The following CYP1B1 variants were observed in gnomAD, a reference collection of about 807,000 sequenced individuals.
CYP1B1 encodes the protein cytochrome P450 family 1 subfamily B member 1, also known as cytochrome P450 1B1.
CYP1B1 carries 22 observed loss-of-function variants against 29.9 expected under a neutral mutation model. That is an observed-to-expected ratio of 0.74 (90% CI 0.53 to 1.05). CYP1B1 has a LOEUF of 1.05. Among genes scored for constraint, CYP1B1 ranks in the 50% least tolerant of loss-of-function variants. CYP1B1 has a pLI of 0.00. For missense variants in CYP1B1, 883 were observed against 746.9 expected (o/e 1.18, Z -2.12); for synonymous variants, 375 against 320.0 (o/e 1.17, Z -1.83).
intron 2 of CYP1B1, chr2:38,074,046 T>C (rs1682478373): frequency 3.8e-6 from 2 of 521,252 alleles, no homozygotes; most frequent in Admixed American, 3.3e-5. Context: ...ATTTAAAAAC[T>C]CTTGTTTTTC....
intron 2 of CYP1B1, 68 bp from the exon 3 acceptor site, chr2:38,071,378 A>G (rs994749853): frequency 7.3e-7 from 1 of 1,375,332 alleles, no homozygotes; most frequent in East Asian, 2.5e-5. Flanking sequence ...TAGAAAGCAC[A>G]TTATAATTTA....
intron 2 of CYP1B1, among the ~76,000 whole-genome samples, 186 bp from the exon 3 acceptor site, chr2:38,071,496 T>C (rs1031340060): frequency 1.2e-4 from 18 of 152,248 alleles, no homozygotes; most frequent in Admixed American, 1.2e-3. Flanking sequence ...AATTACAAGA[T>C]GGACTTTAAG....
chr2:38,071,290 C>CTCCAATT lies in CYP1B1; in HGVS notation c.1063_1064insAATTGGA (p.Arg355GlnfsTer22). ...GACCTGATCCAATTCTGCCTGCACTCGAGTCTGCACATCAGGATACCTGTT... is the reference window on the plus strand; with the variant it reads ...GACCTGATCCAATTCTGCCTGCACTCTCCAATTGAGTCTGCACATCAGGATACCTGTT... On this transcript the variant is annotated frameshift_variant, in exon 3 of 3. Transcript: ENST00000610745. LOFTEE classifies it high-confidence loss of function. 1 of 1,612,310 alleles carries CTCCAATT rather than the reference C, an allele frequency of 6.2e-7. No individual in the cohort carries two copies. The highest frequency in any genetic ancestry group is 8.5e-7 in the Non-Finnish European group (1 of 1,179,452).
intron 2 of CYP1B1, among the ~76,000 whole-genome samples, chr2:38,074,090 C>A (rs954641559): frequency 6.6e-6 from 1 of 151,922 alleles, no homozygotes; most frequent in African/African-American, 2.4e-5. Context: ...AATGTGTTCT[C>A]ACTCGCAAGC....
At position 38,074,427 on chromosome 2, in the gene CYP1B1, G is replaced by T. The variant is rs778299704; in HGVS notation, c.962C>A (p.Pro321Gln). The T allele has an allele frequency of 1.3e-5, 21 of 1,613,232 alleles. No homozygotes were observed. Among genetic ancestry groups the T allele is most frequent in the Non-Finnish European group, 1.4e-5 (17 of 1,179,966 alleles). The change falls in exon 2 of 3, where the codon CCG becomes CAG. Residue 321 changes from proline (P) to glutamine (Q), a missense_variant. Pro to Gln is a moderately conservative substitution (Grantham distance 76, BLOSUM62 -1). Transcript: ENST00000610745. ...GGARLDLENV[P>Q]ATITDIFGAS... The stretch of plus-strand genomic sequence containing the variant: ...GCCGAAGATGTCAGTGATAGTGGCC[G>T]GTACGTTCTCCAAATCCAGCCGCGC...
rs1682387151 is a variant in CYP1B1, at chr2:38,069,668, A to G, written c.*1054T>C. The stretch of plus-strand genomic sequence containing the variant: ...GAAACCCTGCTTCATTTCCATGTCA[A>G]AAATAGGTGGTTGATTTAATCAAGC... On this transcript the variant is annotated 3_prime_UTR_variant, in exon 3 of 3. Coordinates refer to ENST00000610745, the MANE Select transcript of CYP1B1 (RefSeq NM_000104.4). The G allele has an allele frequency of 4.9e-6, 1 of 202,398 alleles. No homozygotes were observed. Among genetic ancestry groups the G allele is most frequent in the Non-Finnish European group, 1.0e-5 (1 of 98,548 alleles). The allele number at this position is 202,398 out of a possible 1,614,324, so 12.5% of individuals were successfully genotyped here. A position where few individuals can be genotyped will look rare whatever the true frequency, so the allele number is the denominator to read the frequency against.
Position 38,071,229 on chromosome 2 carries a change from C to G in CYP1B1, c.1125G>C (p.Gln375His), listed in dbSNP as rs1175207652. 1.2e-6 allele frequency: 2 copies of G among 1,613,110 alleles called. No individual in the cohort carries two copies. Among genetic ancestry groups the G allele is most frequent in the Non-Finnish European group, 1.7e-6 (2 of 1,180,060 alleles). ...GRDRLPCMGD[Q>H]PNLPYVLAFL... The stretch of plus-strand genomic sequence containing the variant: ...AGGCCAGGACATAGGGCAGGTTGGG[C>G]TGGTCACCCATACAAGGCAGACGGT... The change falls in exon 3 of 3, where the codon CAG becomes CAC. Residue 375 changes from glutamine (Q) to histidine (H), a missense_variant. Coordinates refer to ENST00000610745, the MANE Select transcript of CYP1B1 (RefSeq NM_000104.4).
Position 38,070,345 on chromosome 2 carries a change from C to A in CYP1B1, c.*377G>T, listed in dbSNP as rs1433470356. On this transcript the variant is annotated 3_prime_UTR_variant, in exon 3 of 3. Transcript: ENST00000610745. ...TGGGAGACCAATCTTGGATTCCCAC[C>A]AAAAATGGCCTGGTTACCAAAATAC... 1 of 305,062 alleles carries A rather than the reference C, an allele frequency of 3.3e-6. No homozygotes were observed. The highest frequency in any genetic ancestry group is 5.0e-5 in the East Asian group (1 of 20,070). 18.9% of individuals were successfully genotyped at this position (305,062 alleles called of 1,614,324 possible).
rs144123960 is a variant in CYP1B1, at chr2:38,074,589, T to C, written c.800A>G (p.Asn267Ser). 24 of 1,612,654 alleles carry C rather than the reference T, an allele frequency of 1.5e-5. No individual in the cohort carries two copies. The highest frequency in any genetic ancestry group is 1.8e-5 in the Non-Finnish European group (21 of 1,179,622). ...VFREFEQLNRNFSNFILDKFL... is the reference protein window; with the variant it reads ...VFREFEQLNRSFSNFILDKFL... ...CTTGTCCAGGATGAAGTTGCTGAAG[T>C]TGCGGTTGAGCTGCTCGAATTCGCG... Residue 267 changes from asparagine (N) to serine (S), a missense_variant, in exon 2 of 3, where the codon AAC becomes AGC. Coordinates refer to ENST00000610745, the MANE Select transcript of CYP1B1 (RefSeq NM_000104.4).
At chr2:38,073,108 T>C (rs1250919633) in intron 2 of CYP1B1, among the ~76,000 whole-genome samples, 3 of 152,232 alleles carry the variant, frequency 2.0e-5, no homozygotes, top group Non-Finnish European at 4.4e-5. Context: ...TTGACTTTTC[T>C]TTATTCGATT....
At position 38,070,652 on chromosome 2, in the gene CYP1B1, A is replaced by G. The variant is rs1459533628; in HGVS notation, c.*70T>C. 5 of 1,423,998 alleles carry G rather than the reference A, an allele frequency of 3.5e-6. No homozygotes were observed. Among genetic ancestry groups the G allele is most frequent in the Admixed American group, 3.4e-5 (2 of 59,386 alleles). The allele number at this position is 1,423,998 out of a possible 1,614,324, so 88.2% of individuals were successfully genotyped here. A position where few individuals can be genotyped will look rare whatever the true frequency, so the allele number is the denominator to read the frequency against. ...AAGCAGCACAAAAGAGGAACTGGAA[A>G]AAAACTGAATTTTACTCCTCATCTC... On this transcript the variant is annotated 3_prime_UTR_variant, in exon 3 of 3. Transcript: ENST00000610745.
rs751000368 is a variant in CYP1B1, at chr2:38,074,543, G to C, written c.846C>G (p.Ser282Arg). Reference protein sequence around the residue: ...ILDKFLRHCESLRPGAAPRDM... With the variant: ...ILDKFLRHCERLRPGAAPRDM... ...CGCGGGGGGCGGCCCCGGGCCGAAG[G>C]CTTTCGCAGTGCCTCAAGAACTTGT... Residue 282 changes from serine to arginine, a missense_variant, in exon 2 of 3, where the codon AGC becomes AGG. Transcript: ENST00000610745. 4 of 1,608,668 alleles carry C rather than the reference G, an allele frequency of 2.5e-6. No individual in the cohort carries two copies. The highest frequency in any genetic ancestry group is 2.2e-5 in the East Asian group (1 of 44,674).
intron 2 of CYP1B1, chr2:38,074,044 ACT>A (rs2125315793): frequency 1.9e-6 from 1 of 517,550 alleles, no homozygotes; most frequent in Non-Finnish European, 3.5e-6. Context: ...GCATTTAAAA[ACT>A]CTTGTTTTTC....
Position 38,070,378 on chromosome 2 carries a change from T to C in CYP1B1, c.*344A>G. 1 of 333,498 alleles carries C rather than the reference T, an allele frequency of 3.0e-6. No homozygotes were observed. Among genetic ancestry groups the C allele is most frequent in the Non-Finnish European group, 5.5e-6 (1 of 180,344 alleles). 20.7% of individuals were successfully genotyped at this position (333,498 alleles called of 1,614,324 possible). On this transcript the variant is annotated 3_prime_UTR_variant, in exon 3 of 3. Transcript: ENST00000610745. ...GCCTGGTTACCAAAATACTGCTTCA[T>C]TCAGTAGTTTGGTGTAAGTGTTTGG...
In CYP1B1 at chr2:38,074,678, C is replaced by A. The variant is rs780375338; in HGVS notation, c.711G>T (p.Ala237=). 7 of 1,612,916 alleles carry A rather than the reference C, an allele frequency of 4.3e-6. No individual in the cohort carries two copies. The East Asian group carries it at 1.3e-4, about 31-fold the overall frequency. The change falls in exon 2 of 3, where the codon GCG becomes GCT. Residue 237 remains alanine, a synonymous_variant. Transcript: ENST00000610745. ...AGGGCATCACGTCCACCAGGCTGCCCGCGCCCACCGTGCGCCCGAACTCTT... is the reference window on the plus strand; with the variant it reads ...AGGGCATCACGTCCACCAGGCTGCCAGCGCCCACCGTGCGCCCGAACTCTT... ...HNEEFGRTVG[A]GSLVDVMPWL...
At chr2:38,074,199 T>G in intron 2 of CYP1B1, 147 bp downstream of exon 2, 1 of 904,104 alleles carries the variant, frequency 1.1e-6, no homozygotes, top group Non-Finnish European at 1.7e-6. Flanking sequence ...GTGAGTCCCT[T>G]TACCGACGCG....
At chr2:38,074,212 C>G in intron 2 of CYP1B1, 134 bp downstream of exon 2, 1 of 999,096 alleles carries the variant, frequency 1.0e-6, no homozygotes. Context: ...CCGACGCGAT[C>G]TTGGTTTTGA....
chr2:38,074,718 A>C lies in CYP1B1; in HGVS notation c.671T>G (p.Leu224Arg). 6.2e-7 allele frequency: 1 copy of C among 1,610,498 alleles called. No individual in the cohort carries two copies. The highest frequency in any genetic ancestry group is 8.5e-7 in the Non-Finnish European group (1 of 1,179,170). Reference protein sequence around the residue: ...YSHDDPEFRELLSHNEEFGRT... With the variant: ...YSHDDPEFRERLSHNEEFGRT... ...CCCGAACTCTTCGTTGTGGCTGAGC[A>C]GCTCACGGAACTCGGGGTCGTCGTG... The change falls in exon 2 of 3, where the codon CTG becomes CGG. Residue 224 changes from leucine to arginine, a missense_variant. Transcript: ENST00000610745.
intron 2 of CYP1B1, 118 bp downstream of exon 2, chr2:38,074,228 G>A: frequency 8.8e-7 from 1 of 1,132,228 alleles, no homozygotes; most frequent in South Asian, 1.4e-5. Flanking sequence ...TTTGAGGGGT[G>A]GGGACCTGGA....
Sources: allele counts gnomAD v4.1 joint callset (sites outside exome capture counted in the v4.1 genomes callset), GRCh38; gene constraint gnomAD v4.1.1; transcripts MANE v1.5; gene names NCBI Gene and HGNC (gene_info 2026-07-23, HGNC 2026-07-21).